SASS6: variants seen among roughly 807,000 people sequenced by gnomAD.
SASS6 encodes SAS-6 centriolar assembly protein, also known as spindle assembly abnormal protein 6 homolog.
SASS6 carries 59 observed loss-of-function variants against 94.9 expected under a neutral mutation model. The observed-to-expected ratio is 0.62, with a 90% CI of 0.50 to 0.77. SASS6 has a LOEUF of 0.77. Among genes scored for constraint, SASS6 ranks in the 30% least tolerant of loss-of-function variants. The probability of loss-of-function intolerance (pLI) is 0.00; values close to 1 mark genes in which losing one functional copy is unlikely to be tolerated. For synonymous variants in SASS6, 264 were observed against 270.0 expected, an observed-to-expected ratio of 0.98 and a Z score of 0.22; for missense variants, 698 against 734.1, an observed-to-expected ratio of 0.95 and a Z score of 0.57.
Position 100,110,306 on chromosome 1 carries a change from A to G in SASS6, c.847T>C (p.Ser283Pro), listed in dbSNP as rs757601118. 1 of 1,566,122 alleles carries G rather than the reference A, an allele frequency of 6.4e-7. No individual in the cohort carries two copies. Among genetic ancestry groups the G allele is most frequent in the Non-Finnish European group, 8.6e-7 (1 of 1,161,792 alleles). Residue 283 changes from serine to proline, a missense_variant, in exon 8 of 17, where the codon TCT (serine) becomes CCT (proline). By Grantham distance (74) the Ser-to-Pro change is moderately conservative (BLOSUM62 -1). Transcript: ENST00000287482. ...ACATTCAATACCTCTTCAACACCAGAAAGTTTTGCTTTAAGTTCTCTAATA... is the reference window on the plus strand; with the variant it reads ...ACATTCAATACCTCTTCAACACCAGGAAGTTTTGCTTTAAGTTCTCTAATA... Reference protein sequence around the residue: ...STIRELKAKLSGVEEELQRTK... With the variant: ...STIRELKAKLPGVEEELQRTK...
chr1:100,127,565 C>A (rs911889049), intron 1 of SASS6, among the ~76,000 whole-genome samples: 1 of 152,170 alleles, frequency 6.6e-6, no homozygotes, highest in Non-Finnish European at 1.5e-5. Context: ...TGAAAAGGAA[C>A]AAGAAGCACT....
Position 100,085,396 on chromosome 1 carries a change from A to T in SASS6, c.1906T>A (p.Ser636Thr). 6.2e-7 allele frequency: 1 copy of T among 1,613,730 alleles called. No individual in the cohort carries two copies. The highest frequency in any genetic ancestry group is 1.3e-5 in the African/African-American group (1 of 75,052). ...RDGTLGALHT[S>T]SKPTALPSAS... is the part of the protein sequence containing the mutation. Reference sequence around the variant, plus strand: ...GAGGGGAGCGCTGTGGGTTTGGAAGATGTATGTAATGCTCCTAAAGTGCCA... The same window carrying T: ...GAGGGGAGCGCTGTGGGTTTGGAAGTTGTATGTAATGCTCCTAAAGTGCCA... The change falls in exon 17 of 17, where the codon TCT becomes ACT. Residue 636 changes from serine to threonine, a missense_variant. Transcript: ENST00000287482.
chr1:100,126,861 C>T (rs917223155), intron 1 of SASS6, among the ~76,000 whole-genome samples: 1 of 152,094 alleles, frequency 6.6e-6, no homozygotes, highest in Non-Finnish European at 1.5e-5. Flanking sequence ...TAACATATTC[C>T]CTACATTTAT....
intron 14 of SASS6, among the ~76,000 whole-genome samples, chr1:100,093,093 A>G (rs913916503): frequency 2.0e-5 from 3 of 152,064 alleles, no homozygotes; most frequent in Non-Finnish European, 4.4e-5. Context: ...TAATGCCTGG[A>G]GCAACCACTA....
In SASS6 at chr1:100,085,352, G is replaced by A; in HGVS notation, c.1950C>T (p.Phe650=). The change falls in exon 17 of 17, where the codon TTC becomes TTT. Residue 650 remains phenylalanine, a synonymous_variant. Transcript: ENST00000287482. ...ATTAACTGTTTGGTAACTGCCCAGGGAAATAGGCTGAAGACGCAGAGGGGA... is the reference window on the plus strand; with the variant it reads ...ATTAACTGTTTGGTAACTGCCCAGGAAAATAGGCTGAAGACGCAGAGGGGA... ...TALPSASSAY[F]PGQLPNS is the part of the protein sequence containing the mutation. The A allele has an allele frequency of 5.0e-6, 8 of 1,611,786 alleles. No homozygotes were observed. Among genetic ancestry groups the A allele is most frequent in the Non-Finnish European group, 6.8e-6 (8 of 1,177,930 alleles).
chr1:100,116,532 TA>T (rs1653813018), intron 7 of SASS6, among the ~76,000 whole-genome samples: 1 of 152,032 alleles, frequency 6.6e-6, no homozygotes, highest in South Asian at 2.1e-4. Context: ...CAATAATAGA[TA>T]AATATCCAAG....
In SASS6 at chr1:100,120,607, A is replaced by C. The variant is rs960367438; in HGVS notation, c.484-148T>G. On this transcript the variant is annotated intron_variant, in intron 5 of 16. Transcript: ENST00000287482. ...CTCAAATCTAAATCATTTTAACAAGATCCCCAGATAATTTAAAGTTTGACA... is the reference window on the plus strand; with the variant it reads ...CTCAAATCTAAATCATTTTAACAAGCTCCCCAGATAATTTAAAGTTTGACA... The C allele has an allele frequency of 1.8e-5, 10 of 557,946 alleles. No homozygotes were observed. In the Admixed American group the frequency reaches 3.0e-4, roughly 17 times the overall value. The allele number at this position is 557,946 out of a possible 1,614,324, so 34.6% of individuals were successfully genotyped here.
In SASS6 at chr1:100,113,273, C is replaced by T. The variant is rs1370290710; in HGVS notation, c.670-2790G>A. On this transcript the variant is annotated intron_variant, in intron 7 of 16. Transcript: ENST00000287482. ...CAAACTTGCACATGTACCCCTGAAT[C>T]GAACAACAACGTCAAGAAGAACACA... Among the ~76,000 whole-genome samples, 9 of 152,118 alleles carry T rather than the reference C, an allele frequency of 5.9e-5. No homozygotes were observed. In the East Asian group the frequency reaches 1.4e-3, roughly 23 times the overall value.
intron 15 of SASS6, 27 bp downstream of exon 15, chr1:100,088,112 T>C (rs776612464): frequency 7.7e-7 from 1 of 1,295,852 alleles, no homozygotes; most frequent in South Asian, 1.2e-5. Context: ...ATTGCAAACA[T>C]TAAATTTTAT....
At chr1:100,126,412 C>A (rs1239627705) in intron 1 of SASS6, among the ~76,000 whole-genome samples, 1 of 152,198 alleles carries the variant, frequency 6.6e-6, no homozygotes, top group African/African-American at 2.4e-5. Context: ...AATTTAGTAA[C>A]AACTTTTCAC....
chr1:100,123,631 T>TA (rs1173059550), intron 2 of SASS6, among the ~76,000 whole-genome samples: 8 of 152,362 alleles, frequency 5.3e-5, no homozygotes, highest in African/African-American at 1.4e-4. Context: ...CCACTGAACA[T>TA]ACCACATTCA....
At chr1:100,129,598 C>T (rs1960059) in intron 1 of SASS6, among the ~76,000 whole-genome samples, 6,729 of 152,222 alleles carry the variant, frequency 0.044, 174 homozygotes, top group African/African-American at 0.06. Context: ...AATGGCAATT[C>T]ATTTCAACTT....
chr1:100,110,238 C>G (rs1463672379), intron 8 of SASS6, 54 bp downstream of exon 8: 1 of 1,135,966 alleles, frequency 8.8e-7, no homozygotes, highest in Admixed American at 2.7e-5. Flanking sequence ...ATTAAAATAA[C>G]CAAATCAAAA....
chr1:100,132,341 G>A (rs1218859732), intron 1 of SASS6, among the ~76,000 whole-genome samples: 1 of 152,112 alleles, frequency 6.6e-6, no homozygotes, highest in Admixed American at 6.5e-5. Context: ...AAAAGAGAAC[G>A]AGGGGGAAAG....
chr1:100,104,802 G>A (rs1441611045), intron 13 of SASS6, among the ~76,000 whole-genome samples: 1 of 140,708 alleles, frequency 7.1e-6, no homozygotes, highest in Non-Finnish European at 1.5e-5. Context: ...AAAAAAAAAA[G>A]CAGGGCTGGG....
At chr1:100,104,201 A>T (rs1322502906) in intron 13 of SASS6, among the ~76,000 whole-genome samples, 1 of 152,164 alleles carries the variant, frequency 6.6e-6, no homozygotes, top group Non-Finnish European at 1.5e-5. Flanking sequence ...GGATATGAGG[A>T]TGCTTATGGG....
intron 14 of SASS6, among the ~76,000 whole-genome samples, chr1:100,096,083 A>G (rs1267972303): frequency 6.6e-6 from 1 of 152,218 alleles, no homozygotes; most frequent in Non-Finnish European, 1.5e-5. Flanking sequence ...TAAAAGATCT[A>G]AAACAATTTT....
At chr1:100,087,848 A>G (rs986134518) in intron 15 of SASS6, among the ~76,000 whole-genome samples, 4 of 152,242 alleles carry the variant, frequency 2.6e-5, no homozygotes, top group Non-Finnish European at 5.9e-5. Flanking sequence ...GAATATTTGA[A>G]AGCCCAGTCT....
chr1:100,124,644 G>A (rs1654434396), intron 2 of SASS6, among the ~76,000 whole-genome samples: 1 of 152,228 alleles, frequency 6.6e-6, no homozygotes, highest in Non-Finnish European at 1.5e-5. Context: ...GCCTCCCAAA[G>A]TGCTGGGATT....
Sources: allele counts gnomAD v4.1 joint callset (sites outside exome capture counted in the v4.1 genomes callset), GRCh38; gene constraint gnomAD v4.1.1; transcripts MANE v1.5; gene names NCBI Gene and HGNC (gene_info 2026-07-23, HGNC 2026-07-21).